Variants in GFOD1 observed in about 807,000 individuals in gnomAD.
The protein encoded by GFOD1 is glucose-fructose oxidoreductase domain-containing protein 1.
GFOD1 carries 9 observed loss-of-function variants against 25.4 expected under a neutral mutation model. The ratio of observed to expected loss-of-function variants is 0.35; its 90% CI spans 0.21 to 0.62. The LOEUF is 0.62. Ranked by LOEUF, GFOD1 falls within the 20% of genes least tolerant of loss-of-function variation. The probability of loss-of-function intolerance (pLI) is 0.72; values close to 1 mark genes in which losing one functional copy is unlikely to be tolerated. For missense variants in GFOD1, 403 were observed against 556.9 expected (o/e 0.72, Z 2.78); for synonymous variants, 253 against 245.6 (o/e 1.03, Z -0.28).
chr6:13,391,491 C>A (rs1242067684), intron 1 of GFOD1, among the ~76,000 whole-genome samples: 1 of 115,756 alleles, frequency 8.6e-6, no homozygotes, highest in Non-Finnish European at 1.7e-5. Context: ...GAGCGAGACT[C>A]CATCTCAAAA....
rs1450944683 is a variant in GFOD1 at position 13,364,275 on chromosome 6, T to C, written c.*468A>G. 1.2e-5 allele frequency: 2 copies of C among 170,338 alleles called. No individual in the cohort carries two copies. Among genetic ancestry groups the C allele is most frequent in the Admixed American group, 1.1e-4 (2 of 17,844 alleles). The allele number at this position is 170,338 out of a possible 1,614,324, so 10.6% of individuals were successfully genotyped here. ...ACCCCCAACCCCAGCCTAACACGCTTCTGTGGACTGTGAAAATGGGCCTTC... is the reference window on the plus strand; with the variant it reads ...ACCCCCAACCCCAGCCTAACACGCTCCTGTGGACTGTGAAAATGGGCCTTC... On this transcript the variant is annotated 3_prime_UTR_variant, in exon 2 of 2. Transcript: ENST00000379287. The surrounding 1 kb of genome is among the most constrained non-coding windows in gnomAD (Gnocchi z 4.1).
intron 1 of GFOD1, among the ~76,000 whole-genome samples, chr6:13,466,054 G>A (rs1758373838): frequency 6.6e-6 from 1 of 152,068 alleles, no homozygotes; most frequent in Non-Finnish European, 1.5e-5. Flanking sequence ...TTTACATCAA[G>A]AGTAAAGTTA....
At chr6:13,457,836 G>A (rs1256963170) in intron 1 of GFOD1, among the ~76,000 whole-genome samples, 1 of 152,136 alleles carries the variant, frequency 6.6e-6, no homozygotes. Flanking sequence ...TCATTCGCTT[G>A]ACCCGTTCCA....
chr6:13,443,816 TAAAAAA>T (rs34976657), intron 1 of GFOD1, among the ~76,000 whole-genome samples: 6 of 112,122 alleles, frequency 5.4e-5, no homozygotes, highest in East Asian at 2.5e-4. Context: ...GACTCAGTCT[TAAAAAA>T]AAAAAAAAAA....
At chr6:13,394,641 A>AT (rs36042262) in intron 1 of GFOD1, among the ~76,000 whole-genome samples, 94,293 of 146,696 alleles carry the variant, frequency 0.64, 31,143 homozygotes, top group South Asian at 0.73. Flanking sequence ...TACTTGGCTA[A>AT]TTTTTTTTTT....
chr6:13,464,808 C>T (rs1300393925), intron 1 of GFOD1, among the ~76,000 whole-genome samples: 2 of 151,862 alleles, frequency 1.3e-5, no homozygotes, highest in Admixed American at 6.6e-5. Context: ...GGTCTCTAGC[C>T]CACTGGCCAG....
chr6:13,396,855 C>T (rs1442136488), intron 1 of GFOD1, among the ~76,000 whole-genome samples: 2 of 152,184 alleles, frequency 1.3e-5, no homozygotes, highest in Non-Finnish European at 2.9e-5. Flanking sequence ...GACTTTCTAC[C>T]TCTACAACTG....
At chr6:13,410,379 C>T (rs7762803) in intron 1 of GFOD1, among the ~76,000 whole-genome samples, 7,566 of 152,156 alleles carry the variant, frequency 0.05, 498 homozygotes, top group African/African-American at 0.16. Flanking sequence ...ACCAGACTAA[C>T]CAACATAACG....
At chr6:13,387,413 T>C (rs1426646476) in intron 1 of GFOD1, among the ~76,000 whole-genome samples, 2 of 152,156 alleles carry the variant, frequency 1.3e-5, no homozygotes, top group South Asian at 4.1e-4. Flanking sequence ...AAAAAGCTTA[T>C]CCACCATGAT....
chr6:13,436,504 A>G (rs537208521), intron 1 of GFOD1, among the ~76,000 whole-genome samples: 4 of 152,250 alleles, frequency 2.6e-5, no homozygotes, highest in Non-Finnish European at 5.9e-5. Flanking sequence ...TTTCCATATC[A>G]GCATATGCAA....
In GFOD1 at chr6:13,362,097, C is replaced by A. The variant is rs895292414; in HGVS notation, c.*2646G>T. The stretch of plus-strand genomic sequence containing the variant: ...TCATCCTTAATCGGAGCCCTTCAGG[C>A]TAGCTAGAAAATAATAATAATAATA... On this transcript the variant is annotated 3_prime_UTR_variant, in exon 2 of 2. Transcript: ENST00000379287. The A allele has an allele frequency of 2.0e-5, 3 of 152,114 alleles. No homozygotes were observed. Among genetic ancestry groups the A allele is most frequent in the African/African-American group, 7.2e-5 (3 of 41,410 alleles). The allele number at this position is 152,114 out of a possible 1,614,324, so 9.4% of individuals were successfully genotyped here.
At chr6:13,402,433 G>A (rs1314005423) in intron 1 of GFOD1, among the ~76,000 whole-genome samples, 1 of 152,124 alleles carries the variant, frequency 6.6e-6, no homozygotes, top group African/African-American at 2.4e-5. Context: ...AGTCACAGAT[G>A]TGAGAAGAAA....
intron 1 of GFOD1, among the ~76,000 whole-genome samples, chr6:13,424,783 T>A (rs1786323275): frequency 1.3e-5 from 2 of 152,126 alleles, no homozygotes; most frequent in African/African-American, 4.8e-5. Context: ...ACAAAGGTTT[T>A]AAAAACAAAT....
intron 1 of GFOD1, among the ~76,000 whole-genome samples, chr6:13,409,907 A>AGCAGGG (rs1554202003): frequency 1.3e-4 from 18 of 142,378 alleles, no homozygotes; most frequent in Non-Finnish European, 2.7e-4. Flanking sequence ...TGGGCGACAG[A>AGCAGGG]GCGGGGCTCC....
chr6:13,450,453 C>T (rs1208346348), intron 1 of GFOD1, among the ~76,000 whole-genome samples: 1 of 152,140 alleles, frequency 6.6e-6, no homozygotes, highest in East Asian at 1.9e-4. Context: ...ACAGCTGTTC[C>T]TATGGCTAAG....
intron 1 of GFOD1, among the ~76,000 whole-genome samples, chr6:13,457,189 A>G (rs139833511): frequency 6.6e-6 from 1 of 152,316 alleles, no homozygotes; most frequent in African/African-American, 2.4e-5. Context: ...CCTGAGTCAG[A>G]CCTTGCCAGA....
intron 1 of GFOD1, among the ~76,000 whole-genome samples, chr6:13,437,883 C>T (rs1333431350): frequency 2.6e-5 from 4 of 152,140 alleles, no homozygotes; most frequent in African/African-American, 2.4e-5. Context: ...TTCAGCTATG[C>T]TGTGCTGGGC....
chr6:13,480,768 T>C (rs1758732838), intron 1 of GFOD1, among the ~76,000 whole-genome samples: 1 of 152,184 alleles, frequency 6.6e-6, no homozygotes, highest in Non-Finnish European at 1.5e-5. Context: ...ATTATAGGTG[T>C]AAGCCACTGT....
intron 1 of GFOD1, among the ~76,000 whole-genome samples, chr6:13,381,513 C>T (rs756147288): frequency 5.9e-5 from 9 of 152,226 alleles, no homozygotes; most frequent in Non-Finnish European, 1.3e-4. Context: ...CCTGGGGATG[C>T]TTCCATATGG....
Sources: gnomAD v4.1 joint callset for allele counts (sites outside exome capture counted in the v4.1 genomes callset) on GRCh38, gnomAD v4.1.1 for gene constraint, Gnocchi (gnomAD v3.1) non-coding constraint, MANE v1.5 for transcripts, NCBI Gene and HGNC (gene_info 2026-07-23, HGNC 2026-07-21) for gene names.